COL5A2: variants seen among roughly 807,000 people sequenced by gnomAD.
COL5A2 encodes the protein collagen alpha-2(V) chain.
A neutral mutation model predicts 208.2 loss-of-function variants in COL5A2; 23 were observed. That is an observed-to-expected ratio of 0.11 (90% CI 0.08 to 0.16). The LOEUF is 0.16. COL5A2 is among the 10% of genes least tolerant of loss of function. The probability of loss-of-function intolerance (pLI) is 1.00; values close to 1 mark genes in which losing one functional copy is unlikely to be tolerated. For synonymous variants in COL5A2, 625 were observed against 628.5 expected (o/e 0.99, Z 0.08); for missense variants, 1,590 against 1,956.4 (o/e 0.81, Z 3.53).
the COL5A2 span, among the ~76,000 whole-genome samples, chr2:189,360,360 A>C: frequency 6.6e-6 from 1 of 152,100 alleles, no homozygotes; most frequent in African/African-American, 2.4e-5. Flanking sequence ...TAGCAGTTTC[A>C]AGCAAAAACA....
the COL5A2 span, among the ~76,000 whole-genome samples, chr2:189,412,094 C>T: frequency 5.9e-5 from 9 of 152,126 alleles, no homozygotes; most frequent in Admixed American, 5.9e-4. Context: ...GGAAATTAAA[C>T]TTAGGCATCA....
the COL5A2 span, among the ~76,000 whole-genome samples, chr2:189,435,087 A>G: frequency 7.9e-5 from 12 of 152,360 alleles, no homozygotes; most frequent in African/African-American, 2.9e-4. Context: ...AGGATTCCCT[A>G]TTTAATAAAT....
At chr2:189,241,693 A>T in the COL5A2 span, among the ~76,000 whole-genome samples, 1 of 152,192 alleles carries the variant, frequency 6.6e-6, no homozygotes, top group Non-Finnish European at 1.5e-5. Flanking sequence ...TCGAGAAAAT[A>T]ATAAAAATAT....
the COL5A2 span, among the ~76,000 whole-genome samples, chr2:189,406,815 CTT>C: frequency 6.6e-6 from 1 of 152,142 alleles, no homozygotes; most frequent in East Asian, 1.9e-4. Flanking sequence ...AAACTCTTGT[CTT>C]AACACTGTTG....
chr2:189,226,172 T>G (rs1367378845), upstream of COL5A2, among the ~76,000 whole-genome samples: 2 of 152,102 alleles, frequency 1.3e-5, no homozygotes, highest in Non-Finnish European at 2.9e-5. Flanking sequence ...TTTTCTCTAC[T>G]ACAGATAAAA....
the COL5A2 span, among the ~76,000 whole-genome samples, chr2:189,405,119 C>T: frequency 1.3e-5 from 2 of 151,784 alleles, no homozygotes; most frequent in South Asian, 4.2e-4. Flanking sequence ...TAGGCATTAA[C>T]CATTATTATC....
intron 12 of COL5A2, among the ~76,000 whole-genome samples, chr2:189,082,247 T>C (rs1686550166): frequency 6.6e-6 from 1 of 152,206 alleles, no homozygotes; most frequent in Non-Finnish European, 1.5e-5. Flanking sequence ...AGCAACTCAA[T>C]GGATGAAATT....
At position 189,045,031 on chromosome 2, in the gene COL5A2, TAA is replaced by T. The variant is rs573445992; in HGVS notation, c.3363+146_3363+147del. Reference sequence around the variant, plus strand: ...AATAAACTCGTATTACTTTAAAAAATAAGAGTAAACTTATAATTTTTAATTAA... The same window carrying T: ...AATAAACTCGTATTACTTTAAAAAATGAGTAAACTTATAATTTTTAATTAA... On this transcript the variant is annotated intron_variant, in intron 47 of 53. Transcript: ENST00000374866. The T allele has an allele frequency of 1.6e-3, 789 of 496,994 alleles. 3 individuals are homozygous for T. Among genetic ancestry groups the T allele is most frequent in the African/African-American group, 6.7e-3 (337 of 50,222 alleles). 30.8% of individuals were successfully genotyped at this position (496,994 alleles called of 1,614,324 possible). A position where few individuals can be genotyped will look rare whatever the true frequency, so the allele number is the denominator to read the frequency against.
At chr2:189,170,397 A>G (rs189173638) in intron 1 of COL5A2, among the ~76,000 whole-genome samples, 35 of 152,340 alleles carry the variant, frequency 2.3e-4, no homozygotes, top group African/African-American at 7.9e-4. Context: ...ATTCTTGGTT[A>G]GCACAAACAC....
the COL5A2 span, among the ~76,000 whole-genome samples, chr2:189,372,936 C>T: frequency 6.6e-6 from 1 of 152,138 alleles, no homozygotes; most frequent in African/African-American, 2.4e-5. Flanking sequence ...CATGAACTCA[C>T]ACCTCTCTCA....
At chr2:189,194,518 T>A (rs1048218469) in intron 1 of COL5A2, among the ~76,000 whole-genome samples, 2 of 152,218 alleles carry the variant, frequency 1.3e-5, no homozygotes, top group Admixed American at 1.3e-4. Flanking sequence ...TGTGTGATGC[T>A]ACTAATCCTA....
the COL5A2 span, among the ~76,000 whole-genome samples, chr2:189,424,956 C>T: frequency 6.6e-6 from 1 of 152,166 alleles, no homozygotes; most frequent in African/African-American, 2.4e-5. Flanking sequence ...AACATAAAAA[C>T]AGATATATAT....
the COL5A2 span, among the ~76,000 whole-genome samples, chr2:189,426,396 C>A: frequency 6.6e-6 from 1 of 152,190 alleles, no homozygotes; most frequent in African/African-American, 2.4e-5. Flanking sequence ...CAAAAGAATG[C>A]AACCACTTGT....
At chr2:189,180,200 A>C (rs535229624), upstream of COL5A2, among the ~76,000 whole-genome samples, 1 of 152,198 alleles carries the variant, frequency 6.6e-6, no homozygotes, top group South Asian at 2.1e-4. Context: ...TTAAACAATC[A>C]CATTTTAACC....
intron 23 of COL5A2, 130 bp downstream of exon 23, chr2:189,066,249 CTATTTGCACAT>C: frequency 1.2e-6 from 1 of 834,740 alleles, no homozygotes; most frequent in Non-Finnish European, 2.0e-6. Flanking sequence ...TTGGCTCTTT[CTATTTGCACAT>C]AACTGTACTG....
At chr2:189,334,827 A>T in the COL5A2 span, among the ~76,000 whole-genome samples, 1 of 152,088 alleles carries the variant, frequency 6.6e-6, no homozygotes, top group African/African-American at 2.4e-5. Context: ...CCTGATTTCA[A>T]GGCTTACTAT....
intron 36 of COL5A2, 21 bp downstream of exon 36, chr2:189,054,138 A>G: frequency 6.2e-7 from 1 of 1,611,220 alleles, no homozygotes; most frequent in Non-Finnish European, 8.5e-7. Context: ...TGAGTGTACA[A>G]ATTAACAACT....
At chr2:189,081,068 A>T (rs1357270096) in intron 12 of COL5A2, 25 bp from the exon 13 acceptor site, 2 of 1,603,112 alleles carry the variant, frequency 1.2e-6, no homozygotes, top group Admixed American at 3.3e-5. Flanking sequence ...TAGATAGGGC[A>T]TTTTACAGTC....
At chr2:189,285,434 T>C in the COL5A2 span, among the ~76,000 whole-genome samples, 2 of 152,142 alleles carry the variant, frequency 1.3e-5, no homozygotes, top group Non-Finnish European at 1.5e-5. Flanking sequence ...TTCTGACTAA[T>C]AATAACCTAC....
Sources: allele counts gnomAD v4.1 joint callset (sites outside exome capture counted in the v4.1 genomes callset), GRCh38; gene constraint gnomAD v4.1.1; transcripts MANE v1.5; gene names NCBI Gene and HGNC (gene_info 2026-07-23, HGNC 2026-07-21).